The following ELP4 variants were observed in gnomAD, a reference collection of about 807,000 sequenced individuals.
ELP4 encodes the protein elongator acetyltransferase complex subunit 4, also known as elongator complex protein 4.
In ELP4, 51 loss-of-function variants were observed where a neutral mutation model predicts 48.9. That is an observed-to-expected ratio of 1.04 (90% CI 0.83 to 1.32). The LOEUF (loss-of-function observed/expected upper bound fraction) is 1.32. ELP4 is among the 40% of genes most tolerant of loss of function. ELP4 has a pLI of 0.00. For synonymous variants in ELP4, 210 were observed against 189.2 expected, an observed-to-expected ratio of 1.11 and a Z score of -0.90; for missense variants, 519 against 514.6, an observed-to-expected ratio of 1.01 and a Z score of -0.08.
At chr11:31,759,704 C>CTTTTTTCTTTTTTT (rs1947905245) in intron 9 of ELP4, among the ~76,000 whole-genome samples, 6 of 149,628 alleles carry the variant, frequency 4.0e-5, no homozygotes, top group African/African-American at 1.5e-4. Flanking sequence ...TTTCTTTTTT[C>CTTTTTTCTTTTTTT]TTTTTTCTTT....
intron 4 of ELP4, among the ~76,000 whole-genome samples, chr11:31,601,201 GTCTTTGTTTTAT>G (rs1360582726): frequency 0.026 from 4,007 of 151,960 alleles, 163 homozygotes; most frequent in African/African-American, 0.091. Flanking sequence ...AAATGTCTAA[GTCTTTGTTTTAT>G]AATTCTAGGC....
intron 4 of ELP4, among the ~76,000 whole-genome samples, chr11:31,600,766 T>TG (rs1375987068): frequency 6.6e-6 from 1 of 152,182 alleles, no homozygotes; most frequent in Non-Finnish European, 1.5e-5. Flanking sequence ...ATGTCTGGTA[T>TG]GCTATACTGA....
At chr11:31,716,082 T>A (rs1946837143) in intron 9 of ELP4, among the ~76,000 whole-genome samples, 1 of 152,150 alleles carries the variant, frequency 6.6e-6, no homozygotes, top group Non-Finnish European at 1.5e-5. Flanking sequence ...GGCATGATCG[T>A]AGCTCACTGC....
chr11:31,519,873 CATATA>C (rs1448051444), intron 1 of ELP4, among the ~76,000 whole-genome samples, 178 bp from the exon 2 acceptor site: 2 of 151,120 alleles, frequency 1.3e-5, no homozygotes, highest in Non-Finnish European at 2.9e-5. Flanking sequence ...TATGTAATTA[CATATA>C]ATATGTAATT....
rs200391530 is a variant in ELP4 at position 31,789,577 on chromosome 11, T to TA, written c.*6067dup. 0.15 allele frequency: 63,224 copies of TA among 434,494 alleles called. 11 individuals are homozygous for TA. The highest frequency in any genetic ancestry group is 0.18 in the South Asian group (6,345 of 34,576). The allele number at this position is 434,494 out of a possible 1,614,324, so 26.9% of individuals were successfully genotyped here. A position where few individuals can be genotyped will look rare whatever the true frequency, so the allele number is the denominator to read the frequency against. On this transcript the variant is annotated 3_prime_UTR_variant, in exon 10 of 10. Transcript: ENST00000640961. ...AGCTTGTTGATCATGGTTTTCTTTT[T>TA]AAAAAAAAAAAAAACAACTTCATGA...
At chr11:31,587,629 T>A (rs1957498938) in intron 3 of ELP4, among the ~76,000 whole-genome samples, 1 of 152,160 alleles carries the variant, frequency 6.6e-6, no homozygotes, top group Non-Finnish European at 1.5e-5. Context: ...ACTTTATTTT[T>A]GTTTTTTTCT....
intron 9 of ELP4, among the ~76,000 whole-genome samples, chr11:31,758,501 C>T (rs1257536168): frequency 2.0e-5 from 3 of 152,130 alleles, no homozygotes; most frequent in Non-Finnish European, 4.4e-5. Flanking sequence ...CTATTATGAC[C>T]ATGGACGTTG....
intron 9 of ELP4, among the ~76,000 whole-genome samples, chr11:31,766,042 G>C (rs762197286): frequency 3.3e-5 from 5 of 151,936 alleles, no homozygotes; most frequent in African/African-American, 9.7e-5. Context: ...AACTGTGACT[G>C]TTCATCTTCT....
At chr11:31,763,680 A>G (rs2134258102) in intron 9 of ELP4, 2 of 990,814 alleles carry the variant, frequency 2.0e-6, no homozygotes, top group East Asian at 5.6e-5. Flanking sequence ...TTTACCAAAG[A>G]TTAAACTTTA....
intron 2 of ELP4, among the ~76,000 whole-genome samples, chr11:31,536,488 A>T (rs1565040506): frequency 6.6e-6 from 1 of 152,198 alleles, no homozygotes; most frequent in East Asian, 1.9e-4. Flanking sequence ...AGTAGCTGGG[A>T]TTATACGCAT....
In ELP4 at chr11:31,602,668, T is replaced by C. The variant is rs1207501225; in HGVS notation, c.514-1100T>C. Among the ~76,000 whole-genome samples the C allele has an allele frequency of 2.0e-5, 3 of 152,138 alleles. No individual in the cohort carries two copies. The East Asian group carries it at 5.8e-4, about 29-fold the overall frequency. ...CATTTAGTTTAAGAATATGAATCCT[T>C]GAAGTCTTAAATGCAAATATCTAGT... On this transcript the variant is annotated intron_variant, in intron 4 of 9. Transcript: ENST00000640961.
At chr11:31,530,038 A>T (rs922674467) in intron 2 of ELP4, among the ~76,000 whole-genome samples, 1 of 152,182 alleles carries the variant, frequency 6.6e-6, no homozygotes, top group Admixed American at 6.6e-5. Context: ...TTACTTTCCC[A>T]GTATAGGAGC....
chr11:31,763,165 GATGAAAA>G (rs1382143322), intron 9 of ELP4, among the ~76,000 whole-genome samples: 1 of 151,406 alleles, frequency 6.6e-6, no homozygotes, highest in Non-Finnish European at 1.5e-5. Context: ...AAATATCTGT[GATGAAAA>G]ACAAATATCC....
intron 5 of ELP4, among the ~76,000 whole-genome samples, chr11:31,615,837 T>C (rs1944468204): frequency 6.6e-6 from 1 of 152,034 alleles, no homozygotes; most frequent in African/African-American, 2.4e-5. Context: ...TTGCATACCT[T>C]GTTCCATCTA....
At chr11:31,674,708 A>G (rs935961912) in intron 9 of ELP4, among the ~76,000 whole-genome samples, 4 of 152,220 alleles carry the variant, frequency 2.6e-5, no homozygotes, top group African/African-American at 7.2e-5. Flanking sequence ...CTTCCCTACA[A>G]CACTGCAGTC....
chr11:31,515,053 A>ATATATATATATATATG (rs139261349), intron 1 of ELP4, among the ~76,000 whole-genome samples: 6 of 149,120 alleles, frequency 4.0e-5, no homozygotes, highest in Admixed American at 1.3e-4. Context: ...ATATATATAT[A>ATATATATATATATATG]TATGTATAGG....
intron 9 of ELP4, among the ~76,000 whole-genome samples, chr11:31,684,001 G>T (rs545446314): frequency 2.0e-5 from 3 of 152,070 alleles, no homozygotes; most frequent in Non-Finnish European, 4.4e-5. Context: ...TGAGGCTAGG[G>T]TATTCTGGCA....
intron 3 of ELP4, among the ~76,000 whole-genome samples, chr11:31,545,321 G>A (rs1376210659): frequency 2.6e-5 from 4 of 152,204 alleles, no homozygotes; most frequent in African/African-American, 7.2e-5. Context: ...CAAGGCTCGA[G>A]AACTATGTGA....
chr11:31,540,511 A>C (rs929872344), intron 3 of ELP4, among the ~76,000 whole-genome samples: 9 of 152,152 alleles, frequency 5.9e-5, no homozygotes, highest in Non-Finnish European at 1.3e-4. Flanking sequence ...TGAAGAGATG[A>C]GGTCTCACTA....
Sources: allele counts gnomAD v4.1 joint callset (sites outside exome capture counted in the v4.1 genomes callset), GRCh38; gene constraint gnomAD v4.1.1; transcripts MANE v1.5; gene names NCBI Gene and HGNC (gene_info 2026-07-23, HGNC 2026-07-21).